Variants in NCOR2 observed in about 807,000 individuals in gnomAD.
NCOR2 encodes the protein CTG repeat protein 26.
A neutral mutation model predicts 262.9 loss-of-function variants in NCOR2; 81 were observed. The ratio of observed to expected loss-of-function variants is 0.31; its 90% CI spans 0.26 to 0.37. NCOR2 has a LOEUF of 0.37. Among genes scored for constraint, NCOR2 ranks in the 10% least tolerant of loss-of-function variants. NCOR2 has a pLI of 1.00. For synonymous variants in NCOR2, 1,659 were observed against 1,559.3 expected (o/e 1.06, Z -1.51); for missense variants, 3,385 against 3,621.4 (o/e 0.93, Z 1.68).
At position 124,385,729 on chromosome 12, in the gene NCOR2, G is replaced by T. The variant is rs757029804; in HGVS notation, c.2019+16C>A. On this transcript the variant is annotated intron_variant, in intron 17 of 46. Transcript: ENST00000405201. Reference sequence around the variant, plus strand: ...CAGCTTCCCAGAGGCGCGGTGCAGCGTGACTGGGGGCTCACCATCTTCAGC... The same window carrying T: ...CAGCTTCCCAGAGGCGCGGTGCAGCTTGACTGGGGGCTCACCATCTTCAGC... 2 of 1,612,722 alleles carry T rather than the reference G, an allele frequency of 1.2e-6. No homozygotes were observed. The highest frequency in any genetic ancestry group is 1.1e-5 in the South Asian group (1 of 90,930).
chr12:124,480,737 G>A (rs894688178), intron 3 of NCOR2, among the ~76,000 whole-genome samples: 6 of 151,612 alleles, frequency 4.0e-5, no homozygotes, highest in African/African-American at 7.3e-5. Context: ...ACCCCCAGGC[G>A]CCCTTGTCCG....
intron 5 of NCOR2, among the ~76,000 whole-genome samples, chr12:124,458,639 A>G (rs548058496): frequency 1.7e-4 from 26 of 152,364 alleles, no homozygotes; most frequent in African/African-American, 6.3e-4. Flanking sequence ...CATAAGCGCC[A>G]TGGGAGGTAC....
At chr12:124,434,355 G>A (rs1042705745) in intron 8 of NCOR2, among the ~76,000 whole-genome samples, 4 of 152,016 alleles carry the variant, frequency 2.6e-5, no homozygotes, top group Admixed American at 2.0e-4. Flanking sequence ...CATCCCAATC[G>A]CCACCGCAGC....
At chr12:124,524,954 C>A (rs1038178316) in intron 1 of NCOR2, among the ~76,000 whole-genome samples, 10 of 152,254 alleles carry the variant, frequency 6.6e-5, no homozygotes, top group African/African-American at 2.4e-4. Flanking sequence ...GAGTCCGGAA[C>A]ATGCCACGTG....
At position 124,350,760 on chromosome 12, in the gene NCOR2, G is replaced by A. The variant is rs74456809; in HGVS notation, c.3694-23C>T. 17,702 of 1,600,218 alleles carry A rather than the reference G, an allele frequency of 0.011. 723 individuals carry two copies. The East Asian group carries it at 0.12, about 11-fold the overall frequency. On this transcript the variant is annotated intron_variant, in intron 27 of 46. Transcript: ENST00000405201. ...GCCCTGCAGGTGCAGAGGGGTGAGC[G>A]CCCAGGAGGCTGCAGCCCAGGACCC... is the stretch of plus-strand genomic sequence containing the variant.
intron 1 of NCOR2, chr12:124,513,479 A>G (rs1249669780): frequency 6.6e-6 from 1 of 152,262 alleles, no homozygotes; most frequent in Non-Finnish European, 1.5e-5. Context: ...TAGGGATAGT[A>G]GAGGGACTTT....
chr12:124,497,427 A>T (rs1257848449), upstream of NCOR2, among the ~76,000 whole-genome samples: 1 of 152,178 alleles, frequency 6.6e-6, no homozygotes, highest in African/African-American at 2.4e-5. The surrounding 1 kb of genome is among the most constrained non-coding windows in gnomAD (Gnocchi z 4.2). Context: ...AGTGTTCCCT[A>T]AACATCAGAC....
At chr12:124,511,229 C>A (rs2049376750) in intron 1 of NCOR2, among the ~76,000 whole-genome samples, 1 of 152,208 alleles carries the variant, frequency 6.6e-6, no homozygotes, top group African/African-American at 2.4e-5. Context: ...CCGAGTGTCC[C>A]AAATATCAGG....
upstream of NCOR2, among the ~76,000 whole-genome samples, chr12:124,496,507 C>T (rs1436591711): frequency 6.6e-6 from 1 of 152,102 alleles, no homozygotes; most frequent in African/African-American, 2.4e-5. This position sits in a 1 kb window ranked among gnomAD's most constrained non-coding sequence, Gnocchi z 4.4. Context: ...ACTGAGGCTG[C>T]ACCACACGAG....
intron 31 of NCOR2, among the ~76,000 whole-genome samples, chr12:124,345,750 T>TA (rs2036870682): frequency 6.6e-6 from 1 of 152,206 alleles, no homozygotes; most frequent in South Asian, 2.1e-4. Context: ...TCAGGGATCT[T>TA]ACTGCTTCTG....
At chr12:124,365,706 G>A (rs997159896) in intron 20 of NCOR2, among the ~76,000 whole-genome samples, 8 of 143,004 alleles carry the variant, frequency 5.6e-5, no homozygotes, top group Non-Finnish European at 1.1e-4. Context: ...CGCCCCCACC[G>A]CCAGCCCACT....
At chr12:124,493,528 C>T (rs186189369) in intron 1 of NCOR2, among the ~76,000 whole-genome samples, 17 of 152,340 alleles carry the variant, frequency 1.1e-4, no homozygotes, top group East Asian at 3.9e-4. Flanking sequence ...AGAGAGGTTA[C>T]GTAACTTGTC....
chr12:124,500,887 C>T (rs896003613), intron 1 of NCOR2, among the ~76,000 whole-genome samples: 13 of 152,114 alleles, frequency 8.5e-5, no homozygotes, highest in African/African-American at 2.9e-4. Context: ...CGCTCAGCCG[C>T]GGGCTGTGGG....
chr12:124,456,875 G>C (rs968906166), intron 6 of NCOR2, among the ~76,000 whole-genome samples: 27 of 152,338 alleles, frequency 1.8e-4, no homozygotes, highest in Admixed American at 4.6e-4. Flanking sequence ...TGGCCCCGGA[G>C]GCGCTCGCTG....
At chr12:124,340,029 C>T (rs749204571) in exon 37 of NCOR2, 1 of 1,612,512 alleles carries the variant, frequency 6.2e-7, no homozygotes, top group Non-Finnish European at 8.5e-7. Context: ...GCGTGCTGGG[C>T]TCCACAGCGG....
intron 31 of NCOR2, among the ~76,000 whole-genome samples, chr12:124,345,991 C>T (rs1317552068): frequency 7.1e-6 from 1 of 141,488 alleles, no homozygotes; most frequent in African/African-American, 2.5e-5. Flanking sequence ...GAGCTGGGGC[C>T]GCCTGGGGGG....
chr12:124,503,486 A>G lies in NCOR2; in HGVS notation c.-117-8118T>C, dbSNP rs1566004671. Reference sequence around the variant, plus strand: ...GGACTGATGGATGGATGGATGGATGATGGATTGATGGATGGATGGATGGAT... The same window carrying G: ...GGACTGATGGATGGATGGATGGATGGTGGATTGATGGATGGATGGATGGAT... On this transcript the variant is annotated intron_variant, in intron 1 of 46. Coordinates refer to the NCOR2 transcript ENST00000404621. This position sits in a 1 kb window ranked among gnomAD's most constrained non-coding sequence, Gnocchi z 4.3. Among the ~76,000 whole-genome samples, 1 of 139,562 alleles carries G rather than the reference A, an allele frequency of 7.2e-6. No individual in the cohort carries two copies. Among genetic ancestry groups the G allele is most frequent in the Non-Finnish European group, 1.6e-5 (1 of 61,884 alleles). 91.6% of individuals were successfully genotyped at this position (139,562 alleles called of 152,430 possible).
chr12:124,374,358 G>C, intron 19 of NCOR2, 55 bp downstream of exon 21: 3 of 1,573,752 alleles, frequency 1.9e-6, no homozygotes, highest in Non-Finnish European at 2.6e-6. Context: ...CGGGGACCTT[G>C]GGATGCCCGC....
intron 31 of NCOR2, among the ~76,000 whole-genome samples, chr12:124,346,359 A>C (rs971916102): frequency 2.6e-5 from 4 of 152,030 alleles, no homozygotes; most frequent in South Asian, 2.1e-4. Context: ...ATGTGAGTTC[A>C]GTAGAATCAG....
Sources: gnomAD v4.1 joint callset for allele counts (sites outside exome capture counted in the v4.1 genomes callset) on GRCh38, gnomAD v4.1.1 for gene constraint, Gnocchi (gnomAD v3.1) non-coding constraint, MANE v1.5 for transcripts, NCBI Gene and HGNC (gene_info 2026-07-23, HGNC 2026-07-21) for gene names.